The following FBXW7 variants were observed in gnomAD, a reference collection of about 807,000 sequenced individuals.
The protein encoded by FBXW7 is F-box/WD repeat-containing protein 7.
A neutral mutation model predicts 86.3 loss-of-function variants in FBXW7; 11 were observed. That is an observed-to-expected ratio of 0.13 (90% CI 0.08 to 0.21). FBXW7 has a LOEUF of 0.21. Ranked by LOEUF, FBXW7 falls within the 10% of genes least tolerant of loss-of-function variation. The pLI is 1.00. For missense variants in FBXW7, 488 were observed against 847.4 expected, an observed-to-expected ratio of 0.58 and a Z score of 5.27; for synonymous variants, 313 against 297.9, an observed-to-expected ratio of 1.05 and a Z score of -0.52.
At chr4:152,518,967 A>G (rs764981408) in intron 2 of FBXW7, among the ~76,000 whole-genome samples, 1 of 152,178 alleles carries the variant, frequency 6.6e-6, no homozygotes, top group Non-Finnish European at 1.5e-5. Context: ...TTTTTAAATT[A>G]CAAACACCAA....
At chr4:152,409,745 G>A (rs1737759609) in intron 4 of FBXW7, among the ~76,000 whole-genome samples, 1 of 150,762 alleles carries the variant, frequency 6.6e-6, no homozygotes, top group Non-Finnish European at 1.5e-5. Context: ...CTGTACATGT[G>A]TATATACATA....
intron 2 of FBXW7, among the ~76,000 whole-genome samples, chr4:152,521,248 G>A (rs1748984856): frequency 6.6e-6 from 1 of 151,890 alleles, no homozygotes; most frequent in Non-Finnish European, 1.5e-5. Flanking sequence ...GGTAACCAGT[G>A]GAAAAAAATA....
intron 11 of FBXW7, among the ~76,000 whole-genome samples, chr4:152,326,640 G>A (rs1273163926): frequency 6.6e-6 from 1 of 151,968 alleles, no homozygotes; most frequent in African/African-American, 2.4e-5. Flanking sequence ...GAGAACTCTA[G>A]GTGGTAGTGG....
chr4:152,367,895 A>G (rs1000563023), intron 4 of FBXW7, among the ~76,000 whole-genome samples: 4 of 151,946 alleles, frequency 2.6e-5, no homozygotes, highest in African/African-American at 9.7e-5. Context: ...TTAAAATTAT[A>G]CTAAAGAAAA....
intron 4 of FBXW7, among the ~76,000 whole-genome samples, chr4:152,357,453 TG>T (rs1217020867): frequency 6.6e-6 from 1 of 151,994 alleles, no homozygotes; most frequent in African/African-American, 2.4e-5. Context: ...CCCAAGTAGC[TG>T]GGATTACAGT....
At chr4:152,452,754 AT>A (rs940376077) in intron 2 of FBXW7, among the ~76,000 whole-genome samples, 29 of 152,252 alleles carry the variant, frequency 1.9e-4, no homozygotes, top group African/African-American at 4.8e-4. Context: ...GTTTTAAGTA[AT>A]TTTTTTTCCT....
intron 2 of FBXW7, among the ~76,000 whole-genome samples, chr4:152,534,699 A>G (rs1271095117): frequency 6.6e-6 from 1 of 152,182 alleles, no homozygotes; most frequent in Non-Finnish European, 1.5e-5. Context: ...GAAAGGTGCG[A>G]GTATTCACTT....
chr4:152,406,266 G>C (rs1737415507), intron 4 of FBXW7, among the ~76,000 whole-genome samples: 1 of 152,060 alleles, frequency 6.6e-6, no homozygotes, highest in African/African-American at 2.4e-5. Context: ...TTGGTGTGAA[G>C]ATTATTCTTT....
intron 2 of FBXW7, among the ~76,000 whole-genome samples, chr4:152,502,154 G>A (rs1177624559): frequency 6.6e-6 from 1 of 152,258 alleles, no homozygotes; most frequent in Middle Eastern, 3.4e-3. Flanking sequence ...TTAGCCACAT[G>A]TGACTACTAA....
At chr4:152,501,683 T>C (rs1560974545) in intron 2 of FBXW7, among the ~76,000 whole-genome samples, 1 of 152,184 alleles carries the variant, frequency 6.6e-6, no homozygotes, top group African/African-American at 2.4e-5. Flanking sequence ...CTAAAGTTTG[T>C]TGTAAACCTG....
At chr4:152,405,544 T>C (rs1282213784) in intron 4 of FBXW7, among the ~76,000 whole-genome samples, 1 of 152,210 alleles carries the variant, frequency 6.6e-6, no homozygotes, top group African/African-American at 2.4e-5. Flanking sequence ...ATTGAGGTTA[T>C]TATCTATACA....
chr4:152,455,913 A>G (rs1157946400), intron 2 of FBXW7, among the ~76,000 whole-genome samples: 2 of 152,184 alleles, frequency 1.3e-5, no homozygotes, highest in African/African-American at 4.8e-5. Context: ...CAAAATCTTT[A>G]ACTTAATCAC....
intron 12 of FBXW7, 198 bp downstream of exon 12, chr4:152,325,808 A>C: frequency 1.9e-6 from 1 of 522,786 alleles, no homozygotes; most frequent in Non-Finnish European, 3.4e-6. Context: ...GAAATAGATC[A>C]CAGAAAATTG....
At chr4:152,524,322 C>T (rs77044790) in intron 2 of FBXW7, among the ~76,000 whole-genome samples, 2,431 of 152,216 alleles carry the variant, frequency 0.016, 75 homozygotes, top group African/African-American at 0.055. Flanking sequence ...TATAAGCACC[C>T]CTCTCAGACA....
At chr4:152,404,784 T>C (rs950371195) in intron 4 of FBXW7, among the ~76,000 whole-genome samples, 5 of 152,048 alleles carry the variant, frequency 3.3e-5, no homozygotes, top group Admixed American at 3.3e-4. Context: ...TAGTCTAGCT[T>C]AGGTACATCT....
intron 4 of FBXW7, among the ~76,000 whole-genome samples, chr4:152,404,081 T>C (rs780569972): frequency 1.3e-5 from 2 of 152,156 alleles, no homozygotes; most frequent in African/African-American, 2.4e-5. Flanking sequence ...TCAGTTACAC[T>C]AGGACTTAAA....
intron 4 of FBXW7, among the ~76,000 whole-genome samples, chr4:152,397,045 T>C (rs1032115126): frequency 1.3e-4 from 19 of 151,992 alleles, no homozygotes; most frequent in African/African-American, 4.3e-4. Flanking sequence ...ATGAGATTCT[T>C]TTAAGTCTTT....
chr4:152,410,637 G>T (rs1024702184), intron 4 of FBXW7, among the ~76,000 whole-genome samples: 1 of 152,100 alleles, frequency 6.6e-6, no homozygotes, highest in Non-Finnish European at 1.5e-5. Flanking sequence ...TAAACGATAC[G>T]ATGTTAAATC....
intron 2 of FBXW7, among the ~76,000 whole-genome samples, chr4:152,450,763 T>C (rs1741834080): frequency 1.3e-5 from 2 of 152,186 alleles, no homozygotes; most frequent in Non-Finnish European, 2.9e-5. Context: ...CCAACAAGCA[T>C]CAATTAAAAA....
Sources: gnomAD v4.1 joint callset for allele counts (sites outside exome capture counted in the v4.1 genomes callset) on GRCh38, gnomAD v4.1.1 for gene constraint, MANE v1.5 for transcripts, NCBI Gene and HGNC (gene_info 2026-07-23, HGNC 2026-07-21) for gene names.